The following GAS2 variants were observed in gnomAD, a reference collection of about 807,000 sequenced individuals.
GAS2 encodes growth arrest-specific protein 2.
A neutral mutation model predicts 37.5 loss-of-function variants in GAS2; 20 were observed. That is an observed-to-expected ratio of 0.53 (90% CI 0.37 to 0.77). The LOEUF (loss-of-function observed/expected upper bound fraction) is 0.77. Among genes scored for constraint, GAS2 ranks in the 30% least tolerant of loss-of-function variants. The probability of loss-of-function intolerance (pLI) is 0.00; values close to 1 mark genes in which losing one functional copy is unlikely to be tolerated. For synonymous variants in GAS2, 144 were observed against 132.2 expected, an observed-to-expected ratio of 1.09 and a Z score of -0.61; for missense variants, 336 against 373.4, an observed-to-expected ratio of 0.90 and a Z score of 0.82.
intron 2 of GAS2, among the ~76,000 whole-genome samples, chr11:22,682,372 C>A (rs2133926228): frequency 6.6e-6 from 1 of 152,044 alleles, no homozygotes; most frequent in African/African-American, 2.4e-5. Context: ...TGAATGGAAT[C>A]TTCAAATTGC....
chr11:22,777,879 T>G (rs1855343665), intron 7 of GAS2, among the ~76,000 whole-genome samples: 1 of 152,190 alleles, frequency 6.6e-6, no homozygotes, highest in Non-Finnish European at 1.5e-5. Flanking sequence ...TATACAATTG[T>G]AGGTGGAGCA....
intron 7 of GAS2, among the ~76,000 whole-genome samples, chr11:22,798,890 T>C (rs1349540070): frequency 6.6e-6 from 1 of 152,090 alleles, no homozygotes; most frequent in East Asian, 1.9e-4. Flanking sequence ...GAATTCCCAA[T>C]CACCCAATTT....
chr11:22,771,726 A>T (rs1481204457), intron 7 of GAS2, among the ~76,000 whole-genome samples: 3 of 152,208 alleles, frequency 2.0e-5, no homozygotes, highest in Non-Finnish European at 4.4e-5. Context: ...TTAAAACTAG[A>T]TGAACATATC....
At chr11:22,743,688 C>T (rs1484261915) in intron 5 of GAS2, among the ~76,000 whole-genome samples, 1 of 151,920 alleles carries the variant, frequency 6.6e-6, no homozygotes, top group Non-Finnish European at 1.5e-5. Flanking sequence ...AAAATAGACT[C>T]ATCGAAGTTA....
At chr11:22,789,297 T>TAC (rs1386009705) in intron 7 of GAS2, among the ~76,000 whole-genome samples, 71 of 100,754 alleles carry the variant, frequency 7.0e-4, no homozygotes, top group Admixed American at 1.1e-3. Context: ...TATATATATA[T>TAC]ATATATACAC....
chr11:22,749,352 T>C, intron 6 of GAS2, 91 bp downstream of exon 6: 2 of 1,152,666 alleles, frequency 1.7e-6, no homozygotes, highest in Non-Finnish European at 1.2e-6. Context: ...GTCTAATCTT[T>C]ACCTATATCA....
intron 3 of GAS2, among the ~76,000 whole-genome samples, chr11:22,689,400 A>G (rs1049493690): frequency 6.6e-6 from 1 of 152,222 alleles, no homozygotes. Flanking sequence ...TGTTCTTGGC[A>G]GCATTTATAT....
chr11:22,804,834 G>A (rs1564896603), intron 7 of GAS2, among the ~76,000 whole-genome samples: 1 of 152,096 alleles, frequency 6.6e-6, no homozygotes, highest in Non-Finnish European at 1.5e-5. Flanking sequence ...AGATAAAAAT[G>A]GGAAATGGAG....
chr11:22,762,278 C>CA (rs1012950825), intron 7 of GAS2, among the ~76,000 whole-genome samples: 1 of 152,100 alleles, frequency 6.6e-6, no homozygotes, highest in African/African-American at 2.4e-5. Context: ...AAGACAGCTA[C>CA]AATTTAATAA....
At chr11:22,661,367 C>T (rs1011385077) in intron 1 of GAS2, among the ~76,000 whole-genome samples, 3 of 151,954 alleles carry the variant, frequency 2.0e-5, no homozygotes, top group African/African-American at 7.3e-5. Flanking sequence ...ATTTGGCAAC[C>T]TTAGGCTTGG....
intron 1 of GAS2, among the ~76,000 whole-genome samples, chr11:22,628,862 A>C (rs1292073741): frequency 6.6e-6 from 1 of 152,180 alleles, no homozygotes; most frequent in Non-Finnish European, 1.5e-5. Context: ...CTTAGCTCCC[A>C]CTTCCAAGTG....
At chr11:22,694,220 C>G (rs143624803) in intron 3 of GAS2, among the ~76,000 whole-genome samples, 126 of 152,130 alleles carry the variant, frequency 8.3e-4, no homozygotes, top group African/African-American at 2.9e-3. Context: ...TTCCCAAGGC[C>G]CCATGATTAA....
At chr11:22,787,108 G>T (rs1030650673) in intron 7 of GAS2, among the ~76,000 whole-genome samples, 1 of 151,896 alleles carries the variant, frequency 6.6e-6, no homozygotes, top group Non-Finnish European at 1.5e-5. Context: ...ATACATTTTT[G>T]AGCATTTGTC....
chr11:22,726,618 T>C (rs1471163545), intron 4 of GAS2, among the ~76,000 whole-genome samples, 185 bp downstream of exon 4: 4 of 152,110 alleles, frequency 2.6e-5, no homozygotes, highest in African/African-American at 9.7e-5. Flanking sequence ...GAAAAATGAA[T>C]ATGCCCTCTT....
chr11:22,782,701 G>A (rs1855610371), intron 7 of GAS2, among the ~76,000 whole-genome samples: 1 of 149,302 alleles, frequency 6.7e-6, no homozygotes, highest in South Asian at 2.1e-4. Flanking sequence ...TTAGGGTAAT[G>A]GCCTCCAGCT....
At chr11:22,686,841 G>C (rs547300471) in intron 3 of GAS2, among the ~76,000 whole-genome samples, 1 of 151,780 alleles carries the variant, frequency 6.6e-6, no homozygotes, top group South Asian at 2.1e-4. Context: ...AAATAAAAGG[G>C]GTGTATGTGT....
chr11:22,755,978 T>A, intron 7 of GAS2, 25 bp downstream of exon 7: 1 of 1,496,296 alleles, frequency 6.7e-7, no homozygotes, highest in Non-Finnish European at 9.3e-7. Context: ...TTCACTTATC[T>A]TGTTTTTATG....
At chr11:22,735,275 G>A (rs1413603610) in intron 4 of GAS2, among the ~76,000 whole-genome samples, 10 of 118,248 alleles carry the variant, frequency 8.5e-5, no homozygotes, top group Non-Finnish European at 1.2e-4. Context: ...TGGTATATTC[G>A]TATTTGAAAA....
At chr11:22,636,502 G>A (rs1356836599) in intron 1 of GAS2, among the ~76,000 whole-genome samples, 1 of 152,108 alleles carries the variant, frequency 6.6e-6, no homozygotes, top group East Asian at 1.9e-4. Context: ...TCACAGCTCA[G>A]CTCAACTGAT....
Sources: allele counts gnomAD v4.1 joint callset (sites outside exome capture counted in the v4.1 genomes callset), GRCh38; gene constraint gnomAD v4.1.1; transcripts MANE v1.5; gene names NCBI Gene and HGNC (gene_info 2026-07-23, HGNC 2026-07-21).